Variants in DPP4 observed in about 807,000 individuals in gnomAD.
DPP4 encodes the protein ADCP-2.
In DPP4, 93 loss-of-function variants were observed where a neutral mutation model predicts 122.4. The ratio of observed to expected loss-of-function variants is 0.76; its 90% confidence interval spans 0.64 to 0.90. DPP4 has a LOEUF of 0.90. Ranked by LOEUF, DPP4 falls within the 40% of genes least tolerant of loss-of-function variation. The pLI is 0.00. For missense variants in DPP4, 914 were observed against 907.3 expected (o/e 1.01, Z -0.09); for synonymous variants, 321 against 302.9 (o/e 1.06, Z -0.62).
At chr2:162,050,872 A>G (rs1004320497) in intron 2 of DPP4, among the ~76,000 whole-genome samples, 3 of 152,208 alleles carry the variant, frequency 2.0e-5, no homozygotes, top group Non-Finnish European at 4.4e-5. Context: ...TTCCTTGTCT[A>G]CTTGCTCACT....
chr2:161,999,553 G>A (rs1239311922), intron 23 of DPP4, among the ~76,000 whole-genome samples: 1 of 152,192 alleles, frequency 6.6e-6, no homozygotes, highest in Non-Finnish European at 1.5e-5. Context: ...GAAGTGGGAA[G>A]GATCGGTCCA....
At chr2:162,015,688 C>T (rs1257531975) in intron 18 of DPP4, among the ~76,000 whole-genome samples, 2 of 152,100 alleles carry the variant, frequency 1.3e-5, no homozygotes, top group Admixed American at 6.5e-5. Flanking sequence ...CCTCCCCATC[C>T]CCACAGCTCC....
chr2:162,017,284 A>G, intron 16 of DPP4, 129 bp from the exon 17 acceptor site: 1 of 752,700 alleles, frequency 1.3e-6, no homozygotes, highest in Non-Finnish European at 2.1e-6. Context: ...TATAATGCAT[A>G]AGAAGTTTAA....
chr2:162,036,185 T>G (rs1035585549), intron 8 of DPP4, among the ~76,000 whole-genome samples: 1 of 152,168 alleles, frequency 6.6e-6, no homozygotes, highest in Non-Finnish European at 1.5e-5. Context: ...ACAAGTCTCA[T>G]GTAAGTGTAA....
intron 19 of DPP4, among the ~76,000 whole-genome samples, chr2:162,012,317 T>TA (rs199592263): frequency 3.3e-5 from 5 of 151,796 alleles, no homozygotes; most frequent in East Asian, 1.9e-4. Context: ...AGTTGTGGTA[T>TA]AAAAAAAATG....
chr2:162,020,924 C>T (rs72868646), intron 12 of DPP4, among the ~76,000 whole-genome samples: 1 of 152,158 alleles, frequency 6.6e-6, no homozygotes, highest in Non-Finnish European at 1.5e-5. Flanking sequence ...TATAAAGAGG[C>T]TTGTAGAAAA....
At chr2:161,999,158 T>C (rs562655085) in intron 23 of DPP4, among the ~76,000 whole-genome samples, 1 of 152,140 alleles carries the variant, frequency 6.6e-6, no homozygotes, top group South Asian at 2.1e-4. Context: ...CCATTGATCA[T>C]TCCCTACTCA....
intron 8 of DPP4, among the ~76,000 whole-genome samples, chr2:162,036,469 A>C (rs1441066819): frequency 6.6e-6 from 1 of 152,178 alleles, no homozygotes. Context: ...CATTGTATTG[A>C]TAAAGTGAGA....
chr2:162,026,127 A>G (rs1298899363), intron 10 of DPP4, among the ~76,000 whole-genome samples: 1 of 152,112 alleles, frequency 6.6e-6, no homozygotes, highest in African/African-American at 2.4e-5. Context: ...TCATAGATCA[A>G]TTTCCATCTC....
At chr2:162,007,154 A>G (rs1303138323) in intron 22 of DPP4, among the ~76,000 whole-genome samples, 1 of 152,086 alleles carries the variant, frequency 6.6e-6, no homozygotes, top group African/African-American at 2.4e-5. Context: ...ATAAAAATAG[A>G]ATATTTTAAA....
chr2:162,018,612 G>A, intron 16 of DPP4, 117 bp downstream of exon 16: 1 of 1,301,170 alleles, frequency 7.7e-7, no homozygotes, highest in Non-Finnish European at 1.0e-6. Flanking sequence ...AATGTGAGTG[G>A]AGAGAAGGGG....
chr2:162,037,881 C>T (rs1013932992), intron 8 of DPP4, among the ~76,000 whole-genome samples: 30 of 152,130 alleles, frequency 2.0e-4, no homozygotes, highest in African/African-American at 7.0e-4. Flanking sequence ...TTTTCTTCCC[C>T]TGTACTCTCC....
At chr2:162,063,687 G>A (rs1409612364) in intron 2 of DPP4, among the ~76,000 whole-genome samples, 1 of 149,916 alleles carries the variant, frequency 6.7e-6, no homozygotes, top group Non-Finnish European at 1.5e-5. Context: ...TTAGTGGTGT[G>A]GTGGGGATAA....
chr2:162,041,995 G>C (rs919483084), intron 5 of DPP4, among the ~76,000 whole-genome samples: 30 of 152,294 alleles, frequency 2.0e-4, no homozygotes, highest in African/African-American at 6.7e-4. Flanking sequence ...GGGAGGCAGA[G>C]AGGATTATGG....
At chr2:162,054,222 T>A (rs1461203815) in intron 2 of DPP4, among the ~76,000 whole-genome samples, 1 of 152,224 alleles carries the variant, frequency 6.6e-6, no homozygotes, top group African/African-American at 2.4e-5. Context: ...GAAATATCTA[T>A]CCTAGGCCTA....
intron 11 of DPP4, among the ~76,000 whole-genome samples, chr2:162,023,994 G>A (rs1408045189): frequency 6.6e-6 from 1 of 152,206 alleles, no homozygotes; most frequent in East Asian, 1.9e-4. Context: ...TTCCATGTTT[G>A]TTACATAAAT....
At position 162,016,857 on chromosome 2, in the gene DPP4, A is replaced by G. The variant is rs1559710011; in HGVS notation, c.1478T>C (p.Val493Ala). The change falls in exon 18 of 26, where the codon GTC (valine) becomes GCC (alanine). Residue 493 changes from valine (V) to alanine (A), a missense_variant. Physicochemically the swap from Val to Ala is moderately conservative, Grantham distance 64. Transcript: ENST00000360534. ...ATCCAAAGCTGAATTGTCTTCCAGG[A>G]CTCTCAGCCCTAAAGAAATACAGGA... is the stretch of plus-strand genomic sequence containing the variant. ...HSSVNDKGLR[V>A]LEDNSALDKM... 1 of 1,610,674 alleles carries G rather than the reference A, an allele frequency of 6.2e-7. No homozygotes were observed. The highest frequency in any genetic ancestry group is 2.2e-5 in the East Asian group (1 of 44,844).
intron 2 of DPP4, among the ~76,000 whole-genome samples, chr2:162,061,681 T>C (rs1397806716): frequency 6.6e-6 from 1 of 152,182 alleles, no homozygotes; most frequent in Non-Finnish European, 1.5e-5. Flanking sequence ...TTAATAAATG[T>C]TCATTAAAAA....
intron 5 of DPP4, among the ~76,000 whole-genome samples, chr2:162,043,656 T>C (rs1467962344): frequency 1.3e-5 from 2 of 152,212 alleles, no homozygotes; most frequent in African/African-American, 4.8e-5. Flanking sequence ...CTTCATATGT[T>C]AGTCTTTAAC....
Sources: gnomAD v4.1 joint callset for allele counts (sites outside exome capture counted in the v4.1 genomes callset) on GRCh38, gnomAD v4.1.1 for gene constraint, MANE v1.5 for transcripts, NCBI Gene and HGNC (gene_info 2026-07-23, HGNC 2026-07-21) for gene names.